Variants in MPRIP observed in about 807,000 individuals in gnomAD.
The protein encoded by MPRIP is myosin phosphatase Rho interacting protein.
A neutral mutation model predicts 234.9 loss-of-function variants in MPRIP; 59 were observed. The ratio of observed to expected loss-of-function variants is 0.25; its 90% CI spans 0.20 to 0.31. The LOEUF (loss-of-function observed/expected upper bound fraction) is 0.31, where lower values mean the gene tolerates loss of function less well. MPRIP is among the 10% of genes least tolerant of loss of function. MPRIP has a pLI of 1.00. For synonymous variants in MPRIP, 1,144 were observed against 1,263.9 expected (o/e 0.91, Z 2.01); for missense variants, 2,436 against 3,071.0 (o/e 0.79, Z 4.89).
chr17:17,160,107 G>A (rs1310017312), intron 14 of MPRIP, among the ~76,000 whole-genome samples: 5 of 152,164 alleles, frequency 3.3e-5, no homozygotes, highest in Non-Finnish European at 5.9e-5. Flanking sequence ...GGTGGCTCAC[G>A]CCTGTAATCC....
At chr17:17,137,102 T>C (rs1378236463) in intron 6 of MPRIP, among the ~76,000 whole-genome samples, 1 of 152,192 alleles carries the variant, frequency 6.6e-6, no homozygotes, top group Non-Finnish European at 1.5e-5. Flanking sequence ...ATCTTCTACA[T>C]GCACTCTGGG....
Position 17,090,275 on chromosome 17 carries a change from C to G in MPRIP, c.267+12199C>G, listed in dbSNP as rs1185394962. The stretch of plus-strand genomic sequence containing the variant: ...TGTGACCTACCTCCAACCAGCCGCA[C>G]TAAGGCAGGCTTGTCCCGCAGGGGC... On this transcript the variant is annotated intron_variant, in intron 3 of 23. Coordinates refer to ENST00000651222, the MANE Select transcript of MPRIP (RefSeq NM_001364716.4). Among the ~76,000 whole-genome samples, 20 of 152,334 alleles carry G rather than the reference C, an allele frequency of 1.3e-4. 1 individual carries two copies. Among genetic ancestry groups the G allele is most frequent in the East Asian group, 5.8e-4 (3 of 5,188 alleles).
intron 12 of MPRIP, among the ~76,000 whole-genome samples, chr17:17,152,429 T>C (rs2045623741): frequency 6.6e-6 from 1 of 152,238 alleles, no homozygotes; most frequent in South Asian, 2.1e-4. Flanking sequence ...CAACCCCTCC[T>C]CACTTCACCC....
At chr17:17,083,628 T>G (rs2089517512) in intron 3 of MPRIP, among the ~76,000 whole-genome samples, 1 of 152,204 alleles carries the variant, frequency 6.6e-6, no homozygotes, top group South Asian at 2.1e-4. Flanking sequence ...CCAGTTCCCA[T>G]TGCTCCCTAA....
At chr17:17,131,542 C>G (rs2090596526) in intron 4 of MPRIP, 75 bp from the exon 5 acceptor site, 6 of 1,324,298 alleles carry the variant, frequency 4.5e-6, no homozygotes, top group Non-Finnish European at 5.4e-6. Flanking sequence ...TCCTGGACCA[C>G]CCGGCAAGGG....
In MPRIP at chr17:17,140,838, T is replaced by TA. The variant is rs551372584; in HGVS notation, c.1251-1787dup. On this transcript the variant is annotated intron_variant, in intron 7 of 23. Transcript: ENST00000651222. Reference sequence around the variant, plus strand: ...GCAAGGACAGCTCCCCATGTAGCCCTAACCCCCCTGCCCTCAGCACAGCGG... The same window carrying TA: ...GCAAGGACAGCTCCCCATGTAGCCCTAAACCCCCCTGCCCTCAGCACAGCGG... Among the ~76,000 whole-genome samples, 31 of 152,290 alleles carry TA rather than the reference T, an allele frequency of 2.0e-4. No individual in the cohort carries two copies. In the South Asian group the frequency reaches 5.8e-3, roughly 28 times the overall value.
intron 1 of MPRIP, among the ~76,000 whole-genome samples, chr17:17,066,369 A>G (rs1465221109): frequency 6.6e-5 from 10 of 152,186 alleles, no homozygotes; most frequent in African/African-American, 2.4e-4. Context: ...GATTTTGTCA[A>G]ATGCTTTTTC....
At chr17:17,059,601 A>G (rs183627338) in intron 1 of MPRIP, among the ~76,000 whole-genome samples, 10 of 152,320 alleles carry the variant, frequency 6.6e-5, no homozygotes, top group African/African-American at 2.4e-4. Flanking sequence ...CTCCCAGGGA[A>G]GTCTCCCACA....
At chr17:17,077,909 C>T in intron 2 of MPRIP, 102 bp from the exon 3 acceptor site, 1 of 1,128,092 alleles carries the variant, frequency 8.9e-7, no homozygotes, top group South Asian at 1.3e-5. Flanking sequence ...TGTGGAGTGA[C>T]CTTCCTTAGA....
rs550901547 is a variant in MPRIP at position 17,136,805 on chromosome 17, C to G, written c.736+355C>G. On this transcript the variant is annotated intron_variant, in intron 6 of 23. Transcript: ENST00000651222. The stretch of plus-strand genomic sequence containing the variant: ...GTGTTTCTTTCTGTGTGCATCCTGC[C>G]CCAAGAAGCTGCAGTCAGTCTCATC... Among the ~76,000 whole-genome samples, 3 of 152,280 alleles carry G rather than the reference C, an allele frequency of 2.0e-5. No homozygotes were observed. The East Asian group carries it at 5.8e-4, about 29-fold the overall frequency.
chr17:17,158,032 G>A (rs79844947), intron 13 of MPRIP, among the ~76,000 whole-genome samples: 3,116 of 152,222 alleles, frequency 0.02, 54 homozygotes, highest in Middle Eastern at 0.037. Flanking sequence ...AGGCAGGGCT[G>A]GCCCGTCCTG....
intron 3 of MPRIP, among the ~76,000 whole-genome samples, chr17:17,082,164 C>T (rs931068893): frequency 2.0e-5 from 3 of 152,006 alleles, no homozygotes; most frequent in Admixed American, 6.6e-5. Flanking sequence ...GGGAGGAGCT[C>T]CAGGTCTAGA....
intron 1 of MPRIP, among the ~76,000 whole-genome samples, chr17:17,056,492 G>T (rs1439051698): frequency 6.6e-6 from 1 of 152,188 alleles, no homozygotes; most frequent in Non-Finnish European, 1.5e-5. Flanking sequence ...CTGTGTGTGG[G>T]CAGAGGGAGG....
Position 17,187,171 on chromosome 17 carries a change from C to T in MPRIP, c.*2277C>T, listed in dbSNP as rs2046491842. The T allele has an allele frequency of 6.6e-6, 1 of 152,224 alleles. No homozygotes were observed. The highest frequency in any genetic ancestry group is 2.4e-5 in the African/African-American group (1 of 41,440). 9.4% of individuals were successfully genotyped at this position (152,224 alleles called of 1,614,324 possible). On this transcript the variant is annotated 3_prime_UTR_variant, in exon 24 of 24. Transcript: ENST00000651222. ...GCCCTCACAGTGCTTTAAATTAAAG[C>T]AAGTTTGCCCATAGGACAAAAGAGC...
At position 17,184,837 on chromosome 17, in the gene MPRIP, C is replaced by T; in HGVS notation, c.7221C>T (p.Gly2407=). 6.2e-7 allele frequency: 1 copy of T among 1,612,726 alleles called. No individual in the cohort carries two copies. The highest frequency in any genetic ancestry group is 8.5e-7 in the Non-Finnish European group (1 of 1,179,056). Reference sequence around the variant, plus strand: ...TCTCTACCCAGAGTCTGAAGGAAGGCCTGACGGTGCAAGAACGGTTGAAGC... The same window carrying T: ...TCTCTACCCAGAGTCTGAAGGAAGGTCTGACGGTGCAAGAACGGTTGAAGC... The part of the protein sequence containing the change: ...RNIRSKSLKE[G]LTVQERLKLF... The change falls in exon 24 of 24, where the codon GGC becomes GGT. Residue 2407 remains glycine (G), a synonymous_variant. Coordinates refer to ENST00000651222, the MANE Select transcript of MPRIP (RefSeq NM_001364716.4).
At chr17:17,134,012 A>G (rs1413770259) in intron 5 of MPRIP, among the ~76,000 whole-genome samples, 5 of 152,132 alleles carry the variant, frequency 3.3e-5, no homozygotes, top group African/African-American at 1.2e-4. Flanking sequence ...CCGCTCCTCC[A>G]TCTCCCAGCC....
Position 17,094,127 on chromosome 17 carries a change from G to GT in MPRIP, c.267+16059dup, listed in dbSNP as rs535473445. 1.9e-4 allele frequency among the ~76,000 whole-genome samples: 29 copies of GT among 151,704 alleles called. No individual in the cohort carries two copies. The East Asian group carries it at 3.9e-3, about 20-fold the overall frequency. ...GTTTGTTCGTTTTTGTTTTTGTGGG[G>GT]TTTTTTTTGGTTTGTTTTTTGGTTT... On this transcript the variant is annotated intron_variant, in intron 3 of 23. Coordinates refer to ENST00000651222, the MANE Select transcript of MPRIP (RefSeq NM_001364716.4).
At chr17:17,127,366 G>A (rs2090513000) in intron 4 of MPRIP, among the ~76,000 whole-genome samples, 1 of 152,274 alleles carries the variant, frequency 6.6e-6, no homozygotes, top group South Asian at 2.1e-4. Flanking sequence ...CCACTGCACA[G>A]ATTGGTTTCT....
chr17:17,138,456 A>C lies in MPRIP; in HGVS notation c.1250+27A>C. ...TAAGGAGCAGGTTAGAGGGTTGAAC[A>C]CCCAGGCCCACACACATGCACTTCC... On this transcript the variant is annotated intron_variant, in intron 7 of 23. Transcript: ENST00000651222. This position sits in a 1 kb window ranked among gnomAD's most constrained non-coding sequence, Gnocchi z 5.8. 5.0e-6 allele frequency: 1 copy of C among 201,568 alleles called. No individual in the cohort carries two copies. 12.5% of individuals were successfully genotyped at this position (201,568 alleles called of 1,614,324 possible). A position where few individuals can be genotyped will look rare whatever the true frequency, so the allele number is the denominator to read the frequency against.
Sources: allele counts gnomAD v4.1 joint callset (sites outside exome capture counted in the v4.1 genomes callset), GRCh38; gene constraint gnomAD v4.1.1; non-coding constraint Gnocchi (gnomAD v3.1); transcripts MANE v1.5; gene names NCBI Gene and HGNC (gene_info 2026-07-23, HGNC 2026-07-21).